AIG1: variants seen among roughly 807,000 people sequenced by gnomAD.
The protein encoded by AIG1 is androgen-induced gene 1 protein.
Under a neutral mutation model 31.4 loss-of-function variants are expected in AIG1, and 23 were observed. That is an observed-to-expected ratio of 0.73 (90% CI 0.53 to 1.04). The LOEUF (loss-of-function observed/expected upper bound fraction) is 1.04. Among genes scored for constraint, AIG1 ranks in the 50% least tolerant of loss-of-function variants. The probability of loss-of-function intolerance (pLI) is 0.00; values close to 1 mark genes in which losing one functional copy is unlikely to be tolerated. For missense variants in AIG1, 274 were observed against 295.0 expected, an observed-to-expected ratio of 0.93 and a Z score of 0.52; for synonymous variants, 100 against 110.5, an observed-to-expected ratio of 0.90 and a Z score of 0.60.
chr6:143,281,080 G>C (rs933548808), intron 3 of AIG1, among the ~76,000 whole-genome samples: 37 of 152,104 alleles, frequency 2.4e-4, no homozygotes, highest in African/African-American at 8.4e-4. Context: ...ACTTCTACAG[G>C]TTTATTGATT....
intron 1 of AIG1, among the ~76,000 whole-genome samples, chr6:143,111,534 CTCAA>C (rs1337410525): frequency 3.9e-5 from 6 of 152,142 alleles, no homozygotes; most frequent in Non-Finnish European, 8.8e-5. Flanking sequence ...ATTGTGAATT[CTCAA>C]TCTGGTGGAA....
chr6:143,213,831 T>A (rs1407850702), intron 3 of AIG1, among the ~76,000 whole-genome samples: 1 of 152,128 alleles, frequency 6.6e-6, no homozygotes, highest in African/African-American at 2.4e-5. Context: ...AAGTTCTTTC[T>A]GAGAAGACAA....
At chr6:143,216,670 T>A (rs1258102026) in intron 3 of AIG1, among the ~76,000 whole-genome samples, 7 of 152,204 alleles carry the variant, frequency 4.6e-5, no homozygotes, top group Non-Finnish European at 1.0e-4. Flanking sequence ...GAATGGCAAA[T>A]TGATTTCTCC....
At chr6:143,261,514 C>T (rs1484539866) in intron 3 of AIG1, among the ~76,000 whole-genome samples, 1 of 152,088 alleles carries the variant, frequency 6.6e-6, no homozygotes, top group Non-Finnish European at 1.5e-5. Flanking sequence ...GTGGCCTTGG[C>T]CTAAGCAGGC....
In AIG1 at chr6:143,256,234, G is replaced by C. The variant is rs1423361136; in HGVS notation, c.400-27876G>C. 3.3e-5 allele frequency among the ~76,000 whole-genome samples: 5 copies of C among 152,314 alleles called. No individual in the cohort carries two copies. The East Asian group carries it at 9.6e-4, about 29-fold the overall frequency. ...TCTATGTAATGTGTAGAGGAAAGCA[G>C]TGAAAACAACTGGCTGGGAAATGGA... is the stretch of plus-strand genomic sequence containing the variant. On this transcript the variant is annotated intron_variant, in intron 3 of 5. Coordinates refer to ENST00000357847, the MANE Select transcript of AIG1 (RefSeq NM_016108.4). This position sits in a 1 kb window ranked among gnomAD's most constrained non-coding sequence, Gnocchi z 4.6.
intron 4 of AIG1, among the ~76,000 whole-genome samples, chr6:143,296,113 C>G (rs1428286871): frequency 2.6e-5 from 4 of 152,014 alleles, no homozygotes; most frequent in Non-Finnish European, 5.9e-5. Flanking sequence ...CTCTCTTACA[C>G]TTAGTTCAAT....
At chr6:143,230,923 C>G (rs1342134686) in intron 3 of AIG1, among the ~76,000 whole-genome samples, 1 of 152,168 alleles carries the variant, frequency 6.6e-6, no homozygotes, top group Non-Finnish European at 1.5e-5. Flanking sequence ...CTTAAATGTA[C>G]AATTAACTTT....
chr6:143,150,514 C>A (rs1785111095), intron 2 of AIG1, among the ~76,000 whole-genome samples: 1 of 152,134 alleles, frequency 6.6e-6, no homozygotes. Flanking sequence ...CTCATCCCTA[C>A]AGATTGTGAT....
chr6:143,343,114 A>G (rs1777887821), downstream of AIG1: 1 of 767,822 alleles, frequency 1.3e-6, no homozygotes, highest in East Asian at 2.4e-5. Flanking sequence ...CCGCACTAAG[A>G]TCCCAGAAGG....
chr6:143,309,369 T>G lies in AIG1; in HGVS notation c.516-23913T>G, dbSNP rs60202139. ...GCATAGAATAAGGAATAAATAATCC[T>G]GAAATAAAACATATGATTTTTCTTT... is the stretch of plus-strand genomic sequence containing the variant. On this transcript the variant is annotated intron_variant, in intron 4 of 5. Transcript: ENST00000357847. Among the ~76,000 whole-genome samples the G allele has an allele frequency of 2.0e-3, 300 of 152,202 alleles. 3 individuals carry two copies. The East Asian group carries it at 0.02, about 10-fold the overall frequency.
At chr6:143,264,808 C>T (rs1796040432) in intron 3 of AIG1, among the ~76,000 whole-genome samples, 2 of 152,132 alleles carry the variant, frequency 1.3e-5, no homozygotes, top group South Asian at 4.1e-4. Flanking sequence ...AATAAAAAGA[C>T]CATATATCAC....
chr6:143,322,261 G>A (rs187437364), intron 4 of AIG1, among the ~76,000 whole-genome samples: 2 of 152,276 alleles, frequency 1.3e-5, no homozygotes, highest in Admixed American at 1.3e-4. Flanking sequence ...TCTAGTGGAG[G>A]GAGGGATATA....
intron 3 of AIG1, among the ~76,000 whole-genome samples, chr6:143,237,197 C>T (rs1430014287): frequency 6.6e-6 from 1 of 152,182 alleles, no homozygotes; most frequent in East Asian, 1.9e-4. Flanking sequence ...AGTCCTTAAA[C>T]ATAGTGTCAC....
chr6:143,061,096 C>G (rs1583028155), intron 1 of AIG1, 30 bp downstream of exon 1: 6 of 1,608,984 alleles, frequency 3.7e-6, no homozygotes, highest in Non-Finnish European at 5.1e-6. Context: ...CTGCTCGCCC[C>G]GCACCCCGTG....
intron 3 of AIG1, among the ~76,000 whole-genome samples, chr6:143,250,224 C>T (rs1374385964): frequency 6.6e-6 from 1 of 152,136 alleles, no homozygotes; most frequent in Non-Finnish European, 1.5e-5. Context: ...AAGGCTGGCC[C>T]TGGAATAGGA....
rs1249180040 is a variant in AIG1 at position 143,329,280 on chromosome 6, C to G, written c.516-4002C>G. ...AAGAAATCAGATGTGCACTTCTTTCCCAGCTTTGCCAGTTTTATGATAAGT... is the reference window on the plus strand; with the variant it reads ...AAGAAATCAGATGTGCACTTCTTTCGCAGCTTTGCCAGTTTTATGATAAGT... On this transcript the variant is annotated intron_variant, in intron 4 of 5. Coordinates refer to ENST00000357847, the MANE Select transcript of AIG1 (RefSeq NM_016108.4). This position sits in a 1 kb window ranked among gnomAD's most constrained non-coding sequence, Gnocchi z 4.9. Among the ~76,000 whole-genome samples the G allele has an allele frequency of 6.6e-6, 1 of 152,162 alleles. No homozygotes were observed. Among genetic ancestry groups the G allele is most frequent in the Non-Finnish European group, 1.5e-5 (1 of 68,024 alleles).
intron 1 of AIG1, among the ~76,000 whole-genome samples, chr6:143,075,788 C>G (rs1165739682): frequency 6.6e-6 from 1 of 152,074 alleles, no homozygotes; most frequent in East Asian, 1.9e-4. Context: ...GTATCTCATG[C>G]TTTAATACAT....
chr6:143,281,488 G>A (rs1797337634), intron 3 of AIG1, among the ~76,000 whole-genome samples: 1 of 152,114 alleles, frequency 6.6e-6, no homozygotes, highest in Admixed American at 6.5e-5. Flanking sequence ...CCTGAGAATG[G>A]GTTGGAACTG....
chr6:143,110,330 G>A lies in AIG1; in HGVS notation c.142-26505G>A, dbSNP rs11155280. Among the ~76,000 whole-genome samples the A allele has an allele frequency of 2.9e-3, 442 of 152,136 alleles. 10 individuals are homozygous for A. In the East Asian group the frequency reaches 0.052, roughly 18 times the overall value. On this transcript the variant is annotated intron_variant, in intron 1 of 5. Coordinates refer to ENST00000357847, the MANE Select transcript of AIG1 (RefSeq NM_016108.4). ...GCTTTTGCATTTCCATGTAATTTTAGAATCAGCTTGCCAAATTTCACACAC... is the reference window on the plus strand; with the variant it reads ...GCTTTTGCATTTCCATGTAATTTTAAAATCAGCTTGCCAAATTTCACACAC...
Sources: gnomAD v4.1 joint callset for allele counts (sites outside exome capture counted in the v4.1 genomes callset) on GRCh38, gnomAD v4.1.1 for gene constraint, Gnocchi (gnomAD v3.1) non-coding constraint, MANE v1.5 for transcripts, NCBI Gene and HGNC (gene_info 2026-07-23, HGNC 2026-07-21) for gene names.